The following RAB3GAP1 variants were observed in gnomAD, a reference collection of about 807,000 sequenced individuals.
RAB3GAP1 encodes RAB3 GTPase activating protein catalytic subunit 1.
RAB3GAP1 carries 86 observed loss-of-function variants against 130.7 expected under a neutral mutation model. The ratio of observed to expected loss-of-function variants is 0.66; its 90% CI spans 0.55 to 0.79. The LOEUF (loss-of-function observed/expected upper bound fraction) is 0.79. Ranked by LOEUF, RAB3GAP1 falls within the 30% of genes least tolerant of loss-of-function variation. The probability of loss-of-function intolerance (pLI) is 0.00; values close to 1 mark genes in which losing one functional copy is unlikely to be tolerated. For synonymous variants in RAB3GAP1, 367 were observed against 401.7 expected, an observed-to-expected ratio of 0.91 and a Z score of 1.03; for missense variants, 1,029 against 1,169.4, an observed-to-expected ratio of 0.88 and a Z score of 1.75.
intron 3 of RAB3GAP1, among the ~76,000 whole-genome samples, chr2:135,066,803 A>C (rs981922567): frequency 6.6e-6 from 1 of 152,226 alleles, no homozygotes; most frequent in Non-Finnish European, 1.5e-5. Flanking sequence ...CTATTTAGCT[A>C]GCAAAAATTT....
rs369311337 is a variant in RAB3GAP1, at chr2:135,124,774, A to G, written c.830+528A>G. On this transcript the variant is annotated intron_variant, in intron 9 of 23. Transcript: ENST00000264158. ...ACTCAGCAAACTGTGTCCTTTGCCAAATCTGGCCATTAGCCTATTTTTGTA... is the reference window on the plus strand; with the variant it reads ...ACTCAGCAAACTGTGTCCTTTGCCAGATCTGGCCATTAGCCTATTTTTGTA... 4.6e-4 allele frequency among the ~76,000 whole-genome samples: 70 copies of G among 152,314 alleles called. No individual in the cohort carries two copies. In the East Asian group the frequency reaches 9.4e-3, roughly 21 times the overall value.
chr2:135,055,415 T>G (rs1049100260), intron 2 of RAB3GAP1, among the ~76,000 whole-genome samples: 5 of 152,174 alleles, frequency 3.3e-5, no homozygotes, highest in Non-Finnish European at 7.4e-5. Flanking sequence ...TGGTGGCTCA[T>G]GCCTGTAATC....
Position 135,130,096 on chromosome 2 carries a change from CA to C in RAB3GAP1, c.1066+10del. Reference sequence around the variant, plus strand: ...TGAGGAAGAAGGCAAAGGTAACCTACATTTTTTTTTAACATTACTTTCAAAT... The same window carrying C: ...TGAGGAAGAAGGCAAAGGTAACCTACTTTTTTTTTAACATTACTTTCAAAT... On this transcript the variant is annotated intron_variant, in intron 12 of 23. Transcript: ENST00000264158. The C allele has an allele frequency of 6.3e-7, 1 of 1,596,372 alleles. No individual in the cohort carries two copies. Among genetic ancestry groups the C allele is most frequent in the South Asian group, 1.1e-5 (1 of 90,498 alleles).
At chr2:135,091,159 C>G in intron 4 of RAB3GAP1, 29 bp downstream of exon 4, 1 of 1,528,654 alleles carries the variant, frequency 6.5e-7, no homozygotes, top group Non-Finnish European at 9.0e-7. Context: ...ATAATATTAA[C>G]TTCTGATTTG....
chr2:135,150,354 T>G lies in RAB3GAP1; in HGVS notation c.1924-15T>G. 6.2e-7 allele frequency: 1 copy of G among 1,614,210 alleles called. No individual in the cohort carries two copies. Among genetic ancestry groups the G allele is most frequent in the Non-Finnish European group, 8.5e-7 (1 of 1,180,008 alleles). ...AAAGGGCTGTTTATGAGCCTTGTCC[T>G]TTTGTGCTTCACAGGAACCAGCACC... On this transcript the variant is annotated splice_polypyrimidine_tract_variant and intron_variant, in intron 17 of 23. Transcript: ENST00000264158.
chr2:135,146,966 G>A (rs1465256945), intron 17 of RAB3GAP1, among the ~76,000 whole-genome samples: 2 of 135,356 alleles, frequency 1.5e-5, no homozygotes, highest in African/African-American at 3.4e-5. Context: ...TTTCAAGGGG[G>A]TATAAACACA....
chr2:135,117,501 T>TTCTTCTG (rs1558784197), intron 7 of RAB3GAP1, among the ~76,000 whole-genome samples: 2 of 122,880 alleles, frequency 1.6e-5, no homozygotes, highest in African/African-American at 6.7e-5. Flanking sequence ...TTCTGCTTCT[T>TTCTTCTG]CTTCTTCTTC....
intron 3 of RAB3GAP1, among the ~76,000 whole-genome samples, chr2:135,065,360 T>C (rs1292313633): frequency 6.6e-6 from 1 of 152,242 alleles, no homozygotes; most frequent in Non-Finnish European, 1.5e-5. Flanking sequence ...GGTACGTGTG[T>C]ACTTGAGGCC....
chr2:135,168,066 C>G (rs1192565245), intron 23 of RAB3GAP1, among the ~76,000 whole-genome samples: 1 of 152,188 alleles, frequency 6.6e-6, no homozygotes, highest in Non-Finnish European at 1.5e-5. Context: ...GCCCAGCAAG[C>G]AAGACCAATG....
At position 135,168,787 on chromosome 2, in the gene RAB3GAP1, C is replaced by G; in HGVS notation, c.*6C>G. 6.2e-7 allele frequency: 1 copy of G among 1,606,500 alleles called. No individual in the cohort carries two copies. The highest frequency in any genetic ancestry group is 8.5e-7 in the Non-Finnish European group (1 of 1,173,082). ...CAGATACTTCCTTCTTCTGATTCTT[C>G]TAGCATTACTCGTTGGTGGCTTCAG... is the stretch of plus-strand genomic sequence containing the variant. On this transcript the variant is annotated 3_prime_UTR_variant, in exon 24 of 24. Coordinates refer to ENST00000264158, the MANE Select transcript of RAB3GAP1 (RefSeq NM_012233.3).
chr2:135,126,083 G>T (rs962631495), intron 9 of RAB3GAP1, 98 bp from the exon 10 acceptor site: 1 of 913,310 alleles, frequency 1.1e-6, no homozygotes, highest in Admixed American at 2.0e-5. Flanking sequence ...TAATGCCACT[G>T]TAACATACTT....
intron 3 of RAB3GAP1, among the ~76,000 whole-genome samples, chr2:135,089,217 T>C (rs1038459806): frequency 6.6e-6 from 1 of 152,042 alleles, no homozygotes; most frequent in Non-Finnish European, 1.5e-5. Flanking sequence ...GTCGTGTTAT[T>C]TCTGACGCCT....
intron 9 of RAB3GAP1, 36 bp downstream of exon 9, chr2:135,124,282 T>C: frequency 6.4e-7 from 1 of 1,565,988 alleles, no homozygotes; most frequent in African/African-American, 1.4e-5. Flanking sequence ...ATTGTGGGAA[T>C]ATTTTACTTT....
intron 2 of RAB3GAP1, among the ~76,000 whole-genome samples, chr2:135,053,080 C>G (rs1313062141): frequency 1.3e-5 from 2 of 152,204 alleles, no homozygotes; most frequent in East Asian, 3.8e-4. Context: ...CGGCCTCGAA[C>G]TCCTAGGCTC....
At chr2:135,133,455 AGTAGAT>A (rs1691600990) in intron 14 of RAB3GAP1, among the ~76,000 whole-genome samples, 1 of 152,184 alleles carries the variant, frequency 6.6e-6, no homozygotes, top group African/African-American at 2.4e-5. Flanking sequence ...ATTGTTGAGA[AGTAGAT>A]TTGATGAGGT....
Position 135,113,231 on chromosome 2 carries a change from T to A in RAB3GAP1, c.443T>A (p.Leu148His). 1 of 1,614,228 alleles carries A rather than the reference T, an allele frequency of 6.2e-7. No individual in the cohort carries two copies. Residue 148 changes from leucine to histidine, a missense_variant, in exon 6 of 24, where the codon CTT (leucine) becomes CAT (histidine). This residue lies in a region of RAB3GAP1 where 510 missense variants were observed against 532.1 expected (regional missense o/e 0.96). Coordinates refer to ENST00000264158, the MANE Select transcript of RAB3GAP1 (RefSeq NM_012233.3). ...CTCAGCGAATCTAAGTGCAACCTTC[T>A]TCTGAGTTCTGTTTCTATTGCCTTG... ...AVLSESKCNL[L>H]LSSVSIALGN...
intron 5 of RAB3GAP1, among the ~76,000 whole-genome samples, chr2:135,109,165 T>G (rs1210582044): frequency 6.6e-6 from 1 of 152,138 alleles, no homozygotes; most frequent in Non-Finnish European, 1.5e-5. Flanking sequence ...AGTCTTTTTT[T>G]GCTTCTGCTT....
At position 135,117,474 on chromosome 2, in the gene RAB3GAP1, G is replaced by GCTTCTTCTGCTT. The variant is rs1558784140; in HGVS notation, c.648+2114_648+2125dup. On this transcript the variant is annotated intron_variant, in intron 7 of 23. Transcript: ENST00000264158. ...TTCTTCTGCTTCTGCTTCTGCTTCT[G>GCTTCTTCTGCTT]CTTCTTCTGCTTCTTCTTCTGCTTC... Among the ~76,000 whole-genome samples, 12 of 27,476 alleles carry GCTTCTTCTGCTT rather than the reference G, an allele frequency of 4.4e-4. No homozygotes were observed. In the East Asian group the frequency reaches 8.5e-3, roughly 19 times the overall value. The allele number at this position is 27,476 out of a possible 152,430, so 18.0% of individuals were successfully genotyped here.
intron 14 of RAB3GAP1, 78 bp downstream of exon 14, chr2:135,133,062 A>C: frequency 1.2e-6 from 1 of 867,896 alleles, no homozygotes; most frequent in Non-Finnish European, 1.9e-6. Context: ...TTCTAGTTTA[A>C]TAGCTTACTA....
Sources: allele counts gnomAD v4.1 joint callset (sites outside exome capture counted in the v4.1 genomes callset), GRCh38; gene constraint gnomAD v4.1.1; regional missense constraint gnomAD v4.1.1; transcripts MANE v1.5; gene names NCBI Gene and HGNC (gene_info 2026-07-23, HGNC 2026-07-21).